CTTNBP2: variants seen among roughly 807,000 people sequenced by gnomAD.
CTTNBP2 encodes cortactin binding protein 2.
A neutral mutation model predicts 156.9 loss-of-function variants in CTTNBP2; 108 were observed. The observed-to-expected ratio is 0.69, with a 90% CI of 0.59 to 0.81. The LOEUF is 0.81. Among genes scored for constraint, CTTNBP2 ranks in the 30% least tolerant of loss-of-function variants. The pLI, the probability that CTTNBP2 is intolerant of heterozygous loss-of-function variation, is 0.00. For missense variants in CTTNBP2, 1,924 were observed against 2,035.4 expected (o/e 0.95, Z 1.05); for synonymous variants, 767 against 751.8 (o/e 1.02, Z -0.33).
At chr7:117,819,420 G>T (rs1340367477) in intron 2 of CTTNBP2, among the ~76,000 whole-genome samples, 1 of 148,848 alleles carries the variant, frequency 6.7e-6, no homozygotes, top group Admixed American at 6.7e-5. Flanking sequence ...CACACGGAAT[G>T]GCTGGGTGAC....
intron 8 of CTTNBP2, among the ~76,000 whole-genome samples, chr7:117,771,238 A>C (rs1403999925): frequency 1.3e-5 from 2 of 152,182 alleles, no homozygotes; most frequent in South Asian, 4.1e-4. Flanking sequence ...TAGAAACCCC[A>C]AGTCCAGAGA....
chr7:117,863,320 A>G (rs1181977031), intron 1 of CTTNBP2, among the ~76,000 whole-genome samples: 1 of 152,250 alleles, frequency 6.6e-6, no homozygotes, highest in East Asian at 1.9e-4. Flanking sequence ...TAAATCATGT[A>G]TAGTTCTGAA....
At chr7:117,796,631 T>C (rs1452966270) in intron 3 of CTTNBP2, among the ~76,000 whole-genome samples, 1 of 152,206 alleles carries the variant, frequency 6.6e-6, no homozygotes, top group Non-Finnish European at 1.5e-5. Flanking sequence ...GTAAATCACA[T>C]AGCATAGTGC....
chr7:117,717,608 A>G (rs1374448239), intron 22 of CTTNBP2, among the ~76,000 whole-genome samples: 2 of 151,912 alleles, frequency 1.3e-5, no homozygotes, highest in African/African-American at 4.8e-5. Flanking sequence ...TTACCCACAC[A>G]CTGACCACTT....
chr7:117,718,425 T>TTTAATCATTACCTTAC (rs1794584539), intron 21 of CTTNBP2, among the ~76,000 whole-genome samples: 1 of 152,188 alleles, frequency 6.6e-6, no homozygotes, highest in Admixed American at 6.5e-5. Context: ...TTTGCAAGAT[T>TTTAATCATTACCTTAC]TTAATCATTA....
chr7:117,761,984 A>G (rs1294340577), intron 9 of CTTNBP2, among the ~76,000 whole-genome samples: 1 of 152,134 alleles, frequency 6.6e-6, no homozygotes, highest in Non-Finnish European at 1.5e-5. Context: ...TTACTTATCC[A>G]CAGTATCTGA....
chr7:117,738,057 G>A (rs903745263), intron 14 of CTTNBP2, among the ~76,000 whole-genome samples: 1 of 152,236 alleles, frequency 6.6e-6, no homozygotes, highest in Admixed American at 6.5e-5. Flanking sequence ...TTGGGGTGGT[G>A]CCACAGGAGT....
Position 117,801,089 on chromosome 7 carries a change from ATG to A in CTTNBP2, c.415-8310_415-8309del, listed in dbSNP as rs902923505. On this transcript the variant is annotated intron_variant, in intron 3 of 22. Transcript: ENST00000160373. The stretch of plus-strand genomic sequence containing the variant: ...AATAGGCATCCATGACTCCACACTG[ATG>A]TAATAAACAAGTAAACAGGGGAGAA... Among the ~76,000 whole-genome samples, 4 of 152,306 alleles carry A rather than the reference ATG, an allele frequency of 2.6e-5. No homozygotes were observed. In the East Asian group the frequency reaches 7.7e-4, roughly 29 times the overall value.
intron 15 of CTTNBP2, 67 bp from the exon 16 acceptor site, chr7:117,735,167 A>G (rs1196978952): frequency 6.3e-7 from 1 of 1,587,314 alleles, no homozygotes; most frequent in Non-Finnish European, 8.6e-7. Flanking sequence ...TTCAAATTAA[A>G]ATAACGTAAA....
intron 14 of CTTNBP2, among the ~76,000 whole-genome samples, chr7:117,740,447 A>AT (rs1232767472): frequency 6.6e-6 from 1 of 152,150 alleles, no homozygotes; most frequent in Admixed American, 6.5e-5. Flanking sequence ...GAAGTTCAGC[A>AT]TTCTCACCCC....
intron 2 of CTTNBP2, among the ~76,000 whole-genome samples, chr7:117,826,826 CATTATT>C (rs71984775): frequency 0.44 from 61,000 of 139,874 alleles, 13,873 homozygotes; most frequent in Admixed American, 0.52. Context: ...TTCTACTGAG[CATTATT>C]ATTATTATTA....
intron 2 of CTTNBP2, among the ~76,000 whole-genome samples, chr7:117,817,333 C>CAA (rs1165563266): frequency 1.6e-3 from 43 of 27,168 alleles, no homozygotes; most frequent in South Asian, 5.2e-3. Context: ...GACTCCATCT[C>CAA]AAAAAAAAAA....
chr7:117,779,194 T>A (rs1231363569), intron 7 of CTTNBP2, among the ~76,000 whole-genome samples: 1 of 152,206 alleles, frequency 6.6e-6, no homozygotes, highest in African/African-American at 2.4e-5. Context: ...CACCTTTACT[T>A]GGGTAGTATA....
intron 2 of CTTNBP2, among the ~76,000 whole-genome samples, chr7:117,858,484 C>G (rs894743479): frequency 6.6e-6 from 1 of 152,226 alleles, no homozygotes; most frequent in African/African-American, 2.4e-5. Context: ...ATATCTGTGG[C>G]CTTCAATAAG....
chr7:117,849,668 T>A (rs2117183633), intron 2 of CTTNBP2, among the ~76,000 whole-genome samples: 1 of 152,314 alleles, frequency 6.6e-6, no homozygotes. Context: ...TGGCTCTTTC[T>A]GATCAGAACA....
chr7:117,805,393 C>G (rs996493947), intron 3 of CTTNBP2, among the ~76,000 whole-genome samples: 10 of 152,310 alleles, frequency 6.6e-5, no homozygotes, highest in East Asian at 1.9e-4. Context: ...GAAAGTCACA[C>G]AGCAGTTAAG....
At chr7:117,873,283 C>T (rs1277059915) in intron 1 of CTTNBP2, 52 bp downstream of exon 1, 4 of 1,285,594 alleles carry the variant, frequency 3.1e-6, no homozygotes, top group Non-Finnish European at 4.0e-6. Flanking sequence ...CCCGGCGCCG[C>T]CCCCGGCCCG....
intron 22 of CTTNBP2, 80 bp from the exon 23 acceptor site, chr7:117,711,862 A>C: frequency 1.4e-6 from 2 of 1,381,402 alleles, no homozygotes; most frequent in Non-Finnish European, 2.0e-6. Context: ...TCTTTGAGCA[A>C]ATGTACAGGA....
chr7:117,766,734 T>C (rs942403020), intron 9 of CTTNBP2, among the ~76,000 whole-genome samples: 1 of 152,216 alleles, frequency 6.6e-6, no homozygotes, highest in African/African-American at 2.4e-5. Context: ...AGTACATAGC[T>C]GGGATTTTTC....
Sources: gnomAD v4.1 joint callset for allele counts (sites outside exome capture counted in the v4.1 genomes callset) on GRCh38, gnomAD v4.1.1 for gene constraint, MANE v1.5 for transcripts, NCBI Gene and HGNC (gene_info 2026-07-23, HGNC 2026-07-21) for gene names.